Variants in L3MBTL2 observed in about 807,000 individuals in gnomAD.
L3MBTL2 encodes L3MBTL histone methyl-lysine binding protein 2, also known as lethal(3)malignant brain tumor-like protein 2.
L3MBTL2 carries 49 observed loss-of-function variants against 86.4 expected under a neutral mutation model. The observed-to-expected ratio is 0.57, with a 90% CI of 0.45 to 0.72. The LOEUF (loss-of-function observed/expected upper bound fraction) is 0.72, where lower values mean the gene tolerates loss of function less well. Ranked by LOEUF, L3MBTL2 falls within the 30% of genes least tolerant of loss-of-function variation. The probability of loss-of-function intolerance (pLI) is 0.00; values close to 1 mark genes in which losing one functional copy is unlikely to be tolerated. For missense variants in L3MBTL2, 755 were observed against 923.7 expected (o/e 0.82, Z 2.37); for synonymous variants, 336 against 350.6 (o/e 0.96, Z 0.47).
chr22:41,208,232 A>C (rs1389662809), intron 1 of L3MBTL2: 1 of 387,354 alleles, frequency 2.6e-6, no homozygotes, highest in African/African-American at 2.1e-5. Flanking sequence ...CCCAGGCTCA[A>C]GCAGTCCTTC....
In L3MBTL2 at chr22:41,229,100, A is replaced by T. The variant is rs972744355; in HGVS notation, c.1889-440A>T. ...TAGCGAGACCCCTAATTTAAAAAAA[A>T]TTTTTAATTAGCTGGGTATGGTGGC... On this transcript the variant is annotated intron_variant, in intron 15 of 16. Coordinates refer to ENST00000216237, the MANE Select transcript of L3MBTL2 (RefSeq NM_031488.5). Among the ~76,000 whole-genome samples the T allele has an allele frequency of 2.6e-5, 4 of 152,020 alleles. No individual in the cohort carries two copies. In the East Asian group the frequency reaches 5.8e-4, roughly 22 times the overall value.
chr22:41,219,313 G>A, intron 5 of L3MBTL2, 106 bp from the exon 6 acceptor site: 1 of 795,648 alleles, frequency 1.3e-6, no homozygotes, highest in Non-Finnish European at 2.2e-6. Context: ...TGGGTGATGT[G>A]AAAAGTTGAG....
At position 41,231,135 on chromosome 22, in the gene L3MBTL2, C is replaced by T. The variant is rs2032567599; in HGVS notation, c.*884C>T. On this transcript the variant is annotated 3_prime_UTR_variant, in exon 17 of 17. Coordinates refer to ENST00000216237, the MANE Select transcript of L3MBTL2 (RefSeq NM_031488.5). ...TTTTGTTCCTACCTAAATGAAGAAA[C>T]CATGCCTGGAGGGGCCGTGAACACA... 6.6e-6 allele frequency: 1 copy of T among 152,178 alleles called. No individual in the cohort carries two copies. The highest frequency in any genetic ancestry group is 1.5e-5 in the Non-Finnish European group (1 of 68,046). The allele number at this position is 152,178 out of a possible 1,614,324, so 9.4% of individuals were successfully genotyped here. A position where few individuals can be genotyped will look rare whatever the true frequency, so the allele number is the denominator to read the frequency against.
At position 41,231,198 on chromosome 22, in the gene L3MBTL2, A is replaced by G. The variant is rs193113784; in HGVS notation, c.*947A>G. 6.6e-6 allele frequency: 1 copy of G among 152,196 alleles called. No individual in the cohort carries two copies. The highest frequency in any genetic ancestry group is 1.5e-5 in the Non-Finnish European group (1 of 68,042). The allele number at this position is 152,196 out of a possible 1,614,324, so 9.4% of individuals were successfully genotyped here. ...CAAGGATGACAGAGCTGGAGGACAC[A>G]TCTAGCTGCCATTGCAACCTCACTG... On this transcript the variant is annotated 3_prime_UTR_variant, in exon 17 of 17. Transcript: ENST00000216237.
At position 41,225,841 on chromosome 22, in the gene L3MBTL2, C is replaced by T; in HGVS notation, c.1404C>T (p.Ser468=). ...TGATCTGTGTGGACGGGGGGCCCTC[C>T]ACAGATGGCTTGGACTGGTTCTGCT... The part of the protein sequence containing the change: ...YLMICVDGGP[S]TDGLDWFCYH... Residue 468 remains serine, a synonymous_variant, in exon 12 of 17, where the codon TCC becomes TCT. Coordinates refer to ENST00000216237, the MANE Select transcript of L3MBTL2 (RefSeq NM_031488.5). The surrounding 1 kb of genome is among the most constrained non-coding windows in gnomAD (Gnocchi z 4.1). 1 of 1,614,152 alleles carries T rather than the reference C, an allele frequency of 6.2e-7. No individual in the cohort carries two copies. The highest frequency in any genetic ancestry group is 8.5e-7 in the Non-Finnish European group (1 of 1,180,002).
chr22:41,205,314 G>A lies in L3MBTL2; in HGVS notation c.-49G>A, dbSNP rs1245825557. 4 of 1,612,292 alleles carry A rather than the reference G, an allele frequency of 2.5e-6. No homozygotes were observed. In the Admixed American group the frequency reaches 5.0e-5, roughly 20 times the overall value. Reference sequence around the variant, plus strand: ...GCTCTCGCGGAGAGCGACGGGGCAGGCCAATATGGCTTCCTGCACCTGGTG... The same window carrying A: ...GCTCTCGCGGAGAGCGACGGGGCAGACCAATATGGCTTCCTGCACCTGGTG... On this transcript the variant is annotated 5_prime_UTR_variant, in exon 1 of 17. Coordinates refer to ENST00000216237, the MANE Select transcript of L3MBTL2 (RefSeq NM_031488.5).
At chr22:41,219,350 G>T in intron 5 of L3MBTL2, 69 bp from the exon 6 acceptor site, 1 of 1,170,404 alleles carries the variant, frequency 8.5e-7, no homozygotes, top group Non-Finnish European at 1.3e-6. Flanking sequence ...GACTGAGGCC[G>T]TGAGGCAGTC....
At chr22:41,229,504 C>G in intron 15 of L3MBTL2, 36 bp from the exon 16 acceptor site, 1 of 1,597,642 alleles carries the variant, frequency 6.3e-7, no homozygotes, top group Non-Finnish European at 8.6e-7. Context: ...CTAAATACAA[C>G]CCTAATGCTG....
intron 1 of L3MBTL2, chr22:41,209,370 G>A: frequency 4.3e-6 from 1 of 231,350 alleles, no homozygotes; most frequent in South Asian, 5.8e-5. Flanking sequence ...GCCTCCCAAA[G>A]TGCTAGGATT....
Position 41,217,107 on chromosome 22 carries a change from CCT to C in L3MBTL2, c.521-11_521-10del, listed in dbSNP as rs1216141626. On this transcript the variant is annotated splice_polypyrimidine_tract_variant and intron_variant, in intron 4 of 16. Coordinates refer to ENST00000216237, the MANE Select transcript of L3MBTL2 (RefSeq NM_031488.5). ...TGCGCAGGCTCCTAGTCTGACTCGT[CCT>C]CTCTGCTCTGCAGCTCTGGTCTTGG... 1 of 1,611,190 alleles carries C rather than the reference CCT, an allele frequency of 6.2e-7. No homozygotes were observed. Among genetic ancestry groups the C allele is most frequent in the South Asian group, 1.1e-5 (1 of 91,028 alleles).
At chr22:41,226,122 C>A (rs1472250819) in intron 12 of L3MBTL2, among the ~76,000 whole-genome samples, 181 bp downstream of exon 12, 1 of 152,114 alleles carries the variant, frequency 6.6e-6, no homozygotes, top group Non-Finnish European at 1.5e-5. Context: ...ACTAAAAATA[C>A]AAAAATTAGC....
chr22:41,230,093 C>CCCCA, intron 16 of L3MBTL2, 46 bp from the exon 17 acceptor site: 1 of 965,790 alleles, frequency 1.0e-6, no homozygotes, highest in Non-Finnish European at 1.6e-6. Context: ...CCACCCCTCC[C>CCCCA]AGAGTTATTT....
intron 2 of L3MBTL2, among the ~76,000 whole-genome samples, chr22:41,211,254 G>A (rs1316843786): frequency 6.6e-6 from 1 of 152,134 alleles, no homozygotes; most frequent in Non-Finnish European, 1.5e-5. Flanking sequence ...TGGCTGCAGT[G>A]CAGTGGTGTG....
At chr22:41,219,725 A>G (rs1241385346) in intron 6 of L3MBTL2, among the ~76,000 whole-genome samples, 189 bp downstream of exon 6, 1 of 151,810 alleles carries the variant, frequency 6.6e-6, no homozygotes, top group African/African-American at 2.4e-5. Context: ...GGAAACCCCA[A>G]ATTTTTTTGT....
intron 15 of L3MBTL2, 75 bp from the exon 16 acceptor site, chr22:41,229,465 T>TG: frequency 6.6e-7 from 1 of 1,516,878 alleles, no homozygotes; most frequent in Non-Finnish European, 8.9e-7. Flanking sequence ...GCCTGACCAC[T>TG]GGGTGAGACC....
chr22:41,229,822 G>A (rs1239755092), intron 16 of L3MBTL2, 166 bp downstream of exon 16: 4 of 1,170,704 alleles, frequency 3.4e-6, no homozygotes, highest in South Asian at 2.6e-5. Flanking sequence ...TCCCAGACAC[G>A]CCCCCAACTG....
intron 2 of L3MBTL2, among the ~76,000 whole-genome samples, chr22:41,213,043 C>T (rs1194402185): frequency 1.3e-5 from 2 of 152,018 alleles, no homozygotes; most frequent in Non-Finnish European, 2.9e-5. Flanking sequence ...TGGTGAAACC[C>T]CGTCTCTACT....
rs939865543 is a variant in L3MBTL2, at chr22:41,205,459, G to A, written c.24+73G>A. ...CCTCGCTCCGTGGGCCCTTCTTTAG[G>A]GCTTTTAGCGACGCCTGGAGGGTGG... On this transcript the variant is annotated intron_variant, in intron 1 of 16. Transcript: ENST00000216237. The A allele has an allele frequency of 1.3e-5, 20 of 1,563,710 alleles. No individual in the cohort carries two copies. In the African/African-American group the frequency reaches 2.6e-4, roughly 20 times the overall value.
chr22:41,225,643 G>A lies in L3MBTL2; in HGVS notation c.1357-151G>A, dbSNP rs1352225927. The stretch of plus-strand genomic sequence containing the variant: ...CGTATGCATCACAGAAGTACTGTGT[G>A]CCCCAGAGAGGCTCAGGTGTCCTCC... On this transcript the variant is annotated intron_variant, in intron 11 of 16. Coordinates refer to ENST00000216237, the MANE Select transcript of L3MBTL2 (RefSeq NM_031488.5). The surrounding 1 kb of genome is among the most constrained non-coding windows in gnomAD (Gnocchi z 4.1). The A allele has an allele frequency of 8.5e-6, 6 of 707,864 alleles. No individual in the cohort carries two copies. In the Admixed American group the frequency reaches 9.0e-5, roughly 11 times the overall value. 43.8% of individuals were successfully genotyped at this position (707,864 alleles called of 1,614,324 possible).
Sources: allele counts gnomAD v4.1 joint callset (sites outside exome capture counted in the v4.1 genomes callset), GRCh38; gene constraint gnomAD v4.1.1; non-coding constraint Gnocchi (gnomAD v3.1); transcripts MANE v1.5; gene names NCBI Gene and HGNC (gene_info 2026-07-23, HGNC 2026-07-21).